The following CDH1 variants were observed in gnomAD, a reference collection of about 807,000 sequenced individuals.
CDH1 encodes cadherin-1.
In CDH1, 35 loss-of-function variants were observed where a neutral mutation model predicts 84.5. The observed-to-expected ratio is 0.41, with a 90% CI of 0.32 to 0.55. The LOEUF (loss-of-function observed/expected upper bound fraction) is 0.55, where lower values mean the gene tolerates loss of function less well. Among genes scored for constraint, CDH1 ranks in the 20% least tolerant of loss-of-function variants. The pLI is 0.19. For missense variants in CDH1, 994 were observed against 1,126.6 expected (o/e 0.88, Z 1.68); for synonymous variants, 417 against 439.0 (o/e 0.95, Z 0.63).
rs1567513183 is a variant in CDH1 at position 68,823,433 on chromosome 16, C to T, written c.1971C>T (p.Ala657=). 1.2e-6 allele frequency: 2 copies of T among 1,613,706 alleles called. No homozygotes were observed. The highest frequency in any genetic ancestry group is 1.7e-6 in the Non-Finnish European group (2 of 1,179,850). ...QESIILKPKM[A]LEVGDYKINL... ...CTATCATTTTGAAGCCAAAGATGGC[C>T]TTAGAGGTGGGTGACTACAAAATCA... Residue 657 remains alanine, a synonymous_variant, in exon 13 of 16, where the codon GCC becomes GCT. Transcript: ENST00000261769.
chr16:68,818,239 C>CTAAA (rs1207067408), intron 10 of CDH1, among the ~76,000 whole-genome samples: 4 of 83,560 alleles, frequency 4.8e-5, no homozygotes, highest in African/African-American at 1.0e-4. Flanking sequence ...GACTCTGTCC[C>CTAAA]AAAAAAAAAA....
intron 13 of CDH1, among the ~76,000 whole-genome samples, chr16:68,827,399 G>A (rs9922709): frequency 0.022 from 3,270 of 151,508 alleles, 73 homozygotes; most frequent in African/African-American, 0.058. Flanking sequence ...AATAATATAT[G>A]TATTTTCTAA....
At chr16:68,792,750 G>A (rs972533382) in intron 2 of CDH1, among the ~76,000 whole-genome samples, 1 of 152,204 alleles carries the variant, frequency 6.6e-6, no homozygotes, top group African/African-American at 2.4e-5. Flanking sequence ...CTTTAGCCTT[G>A]TTTCTCCCAC....
At chr16:68,819,481 C>T (rs2152137132) in intron 11 of CDH1, 56 bp downstream of exon 11, 1 of 1,547,034 alleles carries the variant, frequency 6.5e-7, no homozygotes, top group South Asian at 1.1e-5. Flanking sequence ...AGTTCAGTTC[C>T]TTGCCCCTCC....
intron 11 of CDH1, among the ~76,000 whole-genome samples, chr16:68,820,068 G>A (rs915569377): frequency 2.6e-5 from 4 of 151,878 alleles, no homozygotes; most frequent in Admixed American, 6.6e-5. Flanking sequence ...GTGTGTTGGT[G>A]AGCACCTGTA....
intron 2 of CDH1, among the ~76,000 whole-genome samples, chr16:68,781,024 T>C (rs961569696): frequency 6.6e-6 from 1 of 152,208 alleles, no homozygotes; most frequent in Non-Finnish European, 1.5e-5. Flanking sequence ...ACTGCAATGG[T>C]CCAGGAGTCC....
intron 2 of CDH1, among the ~76,000 whole-genome samples, chr16:68,792,515 C>T (rs948144019): frequency 1.3e-5 from 2 of 152,206 alleles, no homozygotes; most frequent in South Asian, 2.1e-4. Flanking sequence ...TGAGCCAGTA[C>T]GCCCTGCGAC....
At chr16:68,800,153 A>G (rs866163435) in intron 2 of CDH1, among the ~76,000 whole-genome samples, 18 of 152,088 alleles carry the variant, frequency 1.2e-4, no homozygotes, top group South Asian at 1.0e-3. Flanking sequence ...CAGCCTGGGC[A>G]ACATAACAAG....
intron 2 of CDH1, among the ~76,000 whole-genome samples, chr16:68,754,124 A>C: frequency 6.6e-6 from 1 of 151,850 alleles, no homozygotes; most frequent in Non-Finnish European, 1.5e-5. Context: ...CTCAAAAAAA[A>C]AAAAAAAAAA....
At chr16:68,830,086 C>T (rs1361912990) in intron 15 of CDH1, among the ~76,000 whole-genome samples, 1 of 151,644 alleles carries the variant, frequency 6.6e-6, no homozygotes, top group Admixed American at 6.6e-5. Context: ...TCCCAAGTAG[C>T]TGGGATTACA....
chr16:68,740,309 G>A (rs938430318), intron 2 of CDH1, among the ~76,000 whole-genome samples: 3 of 152,006 alleles, frequency 2.0e-5, no homozygotes, highest in Admixed American at 6.6e-5. Context: ...GAAGTCATTC[G>A]AAGTTTTTTA....
Position 68,819,326 on chromosome 16 carries a change from G to A in CDH1, c.1612G>A (p.Asp538Asn), listed in dbSNP as rs756154596. The change falls in exon 11 of 16, where the codon GAC becomes AAC. Residue 538 changes from aspartate (D) to asparagine (N), a missense_variant. Physicochemically the swap from Asp to Asn is conservative, Grantham distance 23. Around this residue, in one of 3 missense-constraint regions of CDH1, gnomAD observed 769 missense variants for 881.8 expected, o/e 0.87. Transcript: ENST00000261769. ...DTANWLEINP[D>N]TGAISTRAEL... Reference sequence around the variant, plus strand: ...TGCCAACTGGCTGGAGATTAATCCGGACACTGGTGCCATTTCCACTCGGGC... The same window carrying A: ...TGCCAACTGGCTGGAGATTAATCCGAACACTGGTGCCATTTCCACTCGGGC... The A allele has an allele frequency of 3.7e-6, 6 of 1,614,156 alleles. No individual in the cohort carries two copies. In the East Asian group the frequency reaches 1.3e-4, roughly 36 times the overall value.
At chr16:68,792,217 G>C (rs1400322117) in intron 2 of CDH1, among the ~76,000 whole-genome samples, 6 of 144,194 alleles carry the variant, frequency 4.2e-5, no homozygotes, top group Non-Finnish European at 9.0e-5. Context: ...CACCACACCC[G>C]GCCTAAACAC....
At chr16:68,822,594 A>G in intron 12 of CDH1, 2 of 481,524 alleles carry the variant, frequency 4.2e-6, no homozygotes, top group South Asian at 3.4e-5. Flanking sequence ...GTGAGCTCCC[A>G]GATTCATCAG....
intron 2 of CDH1, 122 bp downstream of exon 2, chr16:68,738,533 C>G: frequency 1.6e-6 from 1 of 631,356 alleles, no homozygotes; most frequent in South Asian, 2.0e-5. Flanking sequence ...CAAACGACAC[C>G]CCTTGGAATT....
intron 6 of CDH1, 40 bp downstream of exon 6, chr16:68,810,381 C>G (rs1960788619): frequency 1.3e-6 from 2 of 1,599,268 alleles, no homozygotes; most frequent in Non-Finnish European, 1.7e-6. Flanking sequence ...CAGAAAGACT[C>G]TTAGGTTCTT....
intron 6 of CDH1, 54 bp from the exon 7 acceptor site, chr16:68,811,630 A>C (rs1482623631): frequency 5.3e-6 from 8 of 1,513,752 alleles, no homozygotes; most frequent in Middle Eastern, 1.7e-4. Flanking sequence ...AGCAGTATTG[A>C]CCCAGTCCCA....
intron 5 of CDH1, among the ~76,000 whole-genome samples, chr16:68,809,822 A>G (rs1960768619): frequency 6.6e-6 from 1 of 152,178 alleles, no homozygotes; most frequent in Non-Finnish European, 1.5e-5. Flanking sequence ...ATGCCTGGCC[A>G]GGAAGTCATA....
chr16:68,789,279 C>T (rs908947686), intron 2 of CDH1, among the ~76,000 whole-genome samples: 1 of 152,072 alleles, frequency 6.6e-6, no homozygotes, highest in Non-Finnish European at 1.5e-5. Flanking sequence ...GATCCGCCCA[C>T]TTCAGCCTCC....
Sources: allele counts gnomAD v4.1 joint callset (sites outside exome capture counted in the v4.1 genomes callset), GRCh38; gene constraint gnomAD v4.1.1; regional missense constraint gnomAD v4.1.1; transcripts MANE v1.5; gene names NCBI Gene and HGNC (gene_info 2026-07-23, HGNC 2026-07-21).